NALF1: variants seen among roughly 807,000 people sequenced by gnomAD.
The protein encoded by NALF1 is family with sequence similarity 155 member A.
NALF1 carries 3 observed loss-of-function variants against 48.4 expected under a neutral mutation model. The observed-to-expected ratio is 0.06, with a 90% CI of 0.03 to 0.16. NALF1 has a LOEUF of 0.16. Ranked by LOEUF, NALF1 falls within the 10% of genes least tolerant of loss-of-function variation. NALF1 has a pLI of 1.00. For synonymous variants in NALF1, 262 were observed against 245.7 expected, an observed-to-expected ratio of 1.07 and a Z score of -0.62; for missense variants, 526 against 571.5, an observed-to-expected ratio of 0.92 and a Z score of 0.81.
At chr13:107,678,636 A>T (rs1289108653) in intron 1 of NALF1, among the ~76,000 whole-genome samples, 1 of 152,224 alleles carries the variant, frequency 6.6e-6, no homozygotes, top group African/African-American at 2.4e-5. Flanking sequence ...AAGAGATTTC[A>T]TTGACTCACA....
At chr13:107,680,093 A>C (rs11069698) in intron 1 of NALF1, among the ~76,000 whole-genome samples, 1 of 151,860 alleles carries the variant, frequency 6.6e-6, no homozygotes, top group Non-Finnish European at 1.5e-5. Context: ...CCAGGTGCCC[A>C]TGTGCCCAGG....
chr13:107,679,557 G>A (rs1881222037), intron 1 of NALF1, among the ~76,000 whole-genome samples: 1 of 152,196 alleles, frequency 6.6e-6, no homozygotes, highest in African/African-American at 2.4e-5. Context: ...CCTCTGAGTG[G>A]ACATGGGCTC....
At chr13:107,372,037 G>A (rs371778823) in intron 1 of NALF1, among the ~76,000 whole-genome samples, 1 of 152,102 alleles carries the variant, frequency 6.6e-6, no homozygotes, top group South Asian at 2.1e-4. Context: ...AGCTGAATAG[G>A]GCACTGTTTT....
At chr13:107,505,439 G>T (rs778961220) in intron 1 of NALF1, among the ~76,000 whole-genome samples, 17 of 152,202 alleles carry the variant, frequency 1.1e-4, no homozygotes, top group Non-Finnish European at 1.8e-4. Flanking sequence ...CAGCTGCTGT[G>T]TCGGAAGCTC....
chr13:107,583,049 G>A (rs1878358241), intron 1 of NALF1, among the ~76,000 whole-genome samples: 1 of 152,056 alleles, frequency 6.6e-6, no homozygotes, highest in African/African-American at 2.4e-5. Context: ...GCATATAGGA[G>A]TAGGACTAGT....
rs1412278583 is a variant in NALF1, at chr13:107,642,194, G to A, written c.915+223488C>T. ...GCTCTGCTTCCAACAACTATGAAAG[G>A]TAGGAGGAAGTAGTTGCCATAATTC... On this transcript the variant is annotated intron_variant, in intron 1 of 2. Transcript: ENST00000375915. Among the ~76,000 whole-genome samples, 2 of 152,148 alleles carry A rather than the reference G, an allele frequency of 1.3e-5. 1 individual carries two copies.
At chr13:107,699,588 C>G (rs1297742629) in intron 1 of NALF1, among the ~76,000 whole-genome samples, 1 of 151,958 alleles carries the variant, frequency 6.6e-6, no homozygotes, top group Non-Finnish European at 1.5e-5. Flanking sequence ...AAGAAATATT[C>G]GGAAAATCTT....
intron 1 of NALF1, chr13:107,466,002 T>G (rs1306438103): frequency 6.5e-6 from 1 of 152,968 alleles, no homozygotes; most frequent in East Asian, 1.9e-4. Context: ...AGAAAGTGAT[T>G]TATTGGACTT....
chr13:107,403,188 CTTTTTTTTTTTTTTTTTTT>C (rs10710356), intron 1 of NALF1, among the ~76,000 whole-genome samples: 4 of 42,476 alleles, frequency 9.4e-5, no homozygotes, highest in Non-Finnish European at 1.2e-4. Flanking sequence ...CTTGTTCGGG[CTTTTTTTTTTTTTTTTTTT>C]TTTTTTTTTT....
At chr13:107,299,210 G>A (rs920012248) in intron 1 of NALF1, among the ~76,000 whole-genome samples, 8 of 151,940 alleles carry the variant, frequency 5.3e-5, no homozygotes, top group Non-Finnish European at 1.0e-4. Context: ...CCGATTGGAG[G>A]GTCATGATGT....
chr13:107,634,533 G>T (rs1244963027), intron 1 of NALF1, among the ~76,000 whole-genome samples: 1 of 152,058 alleles, frequency 6.6e-6, no homozygotes, highest in African/African-American at 2.4e-5. Flanking sequence ...AGGAGAAGGG[G>T]AAAAGATCTT....
At chr13:107,294,530 A>G (rs2138886009) in intron 1 of NALF1, among the ~76,000 whole-genome samples, 1 of 152,298 alleles carries the variant, frequency 6.6e-6, no homozygotes, top group Non-Finnish European at 1.5e-5. Context: ...CATTTCACAA[A>G]TATTTATTTA....
intron 1 of NALF1, among the ~76,000 whole-genome samples, chr13:107,604,830 ACATCAGCAAGTCCCCCTCTCAATCT>A (rs1879021939): frequency 6.6e-6 from 1 of 152,154 alleles, no homozygotes; most frequent in Non-Finnish European, 1.5e-5. Context: ...GTAGGAACAG[ACATCAGCAAGTCCCCCTCTCAATCT>A]CATGTTAGCC....
At chr13:107,258,566 A>G (rs1190762239) in intron 1 of NALF1, among the ~76,000 whole-genome samples, 1 of 152,188 alleles carries the variant, frequency 6.6e-6, no homozygotes, top group Non-Finnish European at 1.5e-5. Flanking sequence ...CTGTGTAAAT[A>G]CATGAAATGT....
chr13:107,616,504 G>A (rs934019200), intron 1 of NALF1, among the ~76,000 whole-genome samples: 1 of 152,180 alleles, frequency 6.6e-6, no homozygotes, highest in African/African-American at 2.4e-5. Flanking sequence ...ATGGAAATGT[G>A]TTAAAATTGA....
intron 1 of NALF1, among the ~76,000 whole-genome samples, chr13:107,302,945 G>C (rs1314069792): frequency 6.6e-6 from 1 of 152,170 alleles, no homozygotes; most frequent in Non-Finnish European, 1.5e-5. Context: ...CTGTGTGCCC[G>C]ATTTGGCTTT....
At chr13:107,730,902 C>G (rs570223115) in intron 1 of NALF1, among the ~76,000 whole-genome samples, 1 of 152,248 alleles carries the variant, frequency 6.6e-6, no homozygotes, top group Admixed American at 6.5e-5. Context: ...GACAACATAG[C>G]ATATAAGCGC....
chr13:107,741,637 G>C (rs1217101894), intron 1 of NALF1, among the ~76,000 whole-genome samples: 1 of 152,140 alleles, frequency 6.6e-6, no homozygotes, highest in Non-Finnish European at 1.5e-5. Flanking sequence ...TTAGAAATTG[G>C]TATACTGTCT....
chr13:107,432,210 C>T (rs1249176403), intron 1 of NALF1, among the ~76,000 whole-genome samples: 3 of 152,124 alleles, frequency 2.0e-5, no homozygotes, highest in African/African-American at 7.2e-5. Context: ...GTCTCTTAAA[C>T]AACCAGGTCT....
Sources: allele counts gnomAD v4.1 joint callset (sites outside exome capture counted in the v4.1 genomes callset), GRCh38; gene constraint gnomAD v4.1.1; transcripts MANE v1.5; gene names NCBI Gene and HGNC (gene_info 2026-07-23, HGNC 2026-07-21).